The following SPOCK3 variants were observed in gnomAD, a reference collection of about 807,000 sequenced individuals.
The protein encoded by SPOCK3 is SPARC (osteonectin), cwcv and kazal like domains proteoglycan 3.
A neutral mutation model predicts 56.6 loss-of-function variants in SPOCK3; 30 were observed. The ratio of observed to expected loss-of-function variants is 0.53; its 90% confidence interval spans 0.40 to 0.72. SPOCK3 has a LOEUF of 0.72. SPOCK3 is among the 30% of genes least tolerant of loss of function. The probability of loss-of-function intolerance (pLI) is 0.00; values close to 1 mark genes in which losing one functional copy is unlikely to be tolerated. For missense variants in SPOCK3, 527 were observed against 530.0 expected (o/e 0.99, Z 0.06); for synonymous variants, 196 against 183.3 (o/e 1.07, Z -0.56).
chr4:167,155,020 A>G (rs886626976), intron 2 of SPOCK3, among the ~76,000 whole-genome samples: 7 of 152,160 alleles, frequency 4.6e-5, no homozygotes, highest in Admixed American at 3.9e-4. Flanking sequence ...TAAATCATTC[A>G]TCCAAGTAAG....
chr4:167,007,700 G>T (rs945316297), intron 3 of SPOCK3, among the ~76,000 whole-genome samples: 1 of 152,108 alleles, frequency 6.6e-6, no homozygotes, highest in Non-Finnish European at 1.5e-5. Flanking sequence ...GGCAAGAAAA[G>T]TATTGACTAG....
chr4:167,054,222 G>A (rs546816327), intron 3 of SPOCK3, among the ~76,000 whole-genome samples: 1 of 152,292 alleles, frequency 6.6e-6, no homozygotes, highest in African/African-American at 2.4e-5. Context: ...TTCACTGCTA[G>A]GAACTTTACT....
At chr4:167,058,853 T>C (rs902431049) in intron 3 of SPOCK3, among the ~76,000 whole-genome samples, 2 of 152,170 alleles carry the variant, frequency 1.3e-5, no homozygotes, top group African/African-American at 4.8e-5. Flanking sequence ...GCCATGTATC[T>C]ACAACTACCT....
At chr4:166,783,217 G>T (rs925174225) in intron 7 of SPOCK3, among the ~76,000 whole-genome samples, 2 of 152,132 alleles carry the variant, frequency 1.3e-5, no homozygotes, top group Non-Finnish European at 2.9e-5. Context: ...AATTTAGCCA[G>T]GCATGGTGGC....
At chr4:166,998,332 A>C (rs1748601323) in intron 4 of SPOCK3, among the ~76,000 whole-genome samples, 1 of 152,162 alleles carries the variant, frequency 6.6e-6, no homozygotes, top group African/African-American at 2.4e-5. Context: ...GCAAAGCTTC[A>C]GTAGTGCCCT....
At chr4:166,870,980 A>C (rs191425324) in intron 6 of SPOCK3, among the ~76,000 whole-genome samples, 3 of 152,160 alleles carry the variant, frequency 2.0e-5, no homozygotes, top group African/African-American at 7.2e-5. Context: ...CACCATGTAA[A>C]GAAGGTCCTT....
chr4:166,972,094 A>G (rs1162610502), intron 4 of SPOCK3, among the ~76,000 whole-genome samples: 1 of 152,140 alleles, frequency 6.6e-6, no homozygotes, highest in Non-Finnish European at 1.5e-5. Context: ...ATTGCAAACC[A>G]CTACTATAAA....
chr4:167,215,024 T>C (rs891292017), intron 2 of SPOCK3, among the ~76,000 whole-genome samples: 2 of 151,418 alleles, frequency 1.3e-5, no homozygotes, highest in African/African-American at 4.8e-5. Context: ...AGTTCAAACA[T>C]GATAGTAAAA....
At chr4:167,133,485 G>A (rs1267822692) in intron 2 of SPOCK3, among the ~76,000 whole-genome samples, 1 of 152,150 alleles carries the variant, frequency 6.6e-6, no homozygotes, top group East Asian at 1.9e-4. Flanking sequence ...AGAGCAATAG[G>A]AAATGAATGC....
intron 7 of SPOCK3, among the ~76,000 whole-genome samples, chr4:166,775,232 A>G (rs751737102): frequency 1.7e-4 from 26 of 152,082 alleles, no homozygotes; most frequent in Non-Finnish European, 2.9e-4. Context: ...GATGAGGAGA[A>G]AGTGGCAGGT....
intron 2 of SPOCK3, among the ~76,000 whole-genome samples, chr4:167,152,951 T>C (rs1764537721): frequency 6.6e-6 from 1 of 152,256 alleles, no homozygotes; most frequent in Non-Finnish European, 1.5e-5. Flanking sequence ...CTTATCTATT[T>C]GGATATTTTA....
At chr4:167,204,363 G>A (rs1171055336) in intron 2 of SPOCK3, among the ~76,000 whole-genome samples, 1 of 152,100 alleles carries the variant, frequency 6.6e-6, no homozygotes, top group East Asian at 1.9e-4. Context: ...AAGAAAAGAG[G>A]TTTAATTGAC....
At chr4:167,194,535 G>T (rs751725708) in intron 2 of SPOCK3, among the ~76,000 whole-genome samples, 1 of 152,196 alleles carries the variant, frequency 6.6e-6, no homozygotes, top group African/African-American at 2.4e-5. Context: ...TGGTGTCTGT[G>T]CATCTGAAGG....
At chr4:167,216,531 G>C (rs1735377579) in intron 2 of SPOCK3, among the ~76,000 whole-genome samples, 1 of 152,098 alleles carries the variant, frequency 6.6e-6, no homozygotes, top group Non-Finnish European at 1.5e-5. Context: ...AAATACTGCA[G>C]AGAAGACCCT....
intron 2 of SPOCK3, among the ~76,000 whole-genome samples, chr4:167,171,313 A>G (rs1730479015): frequency 6.6e-6 from 1 of 152,174 alleles, no homozygotes; most frequent in Non-Finnish European, 1.5e-5. Flanking sequence ...CATCCAATAA[A>G]AGGTATAAGG....
intron 4 of SPOCK3, among the ~76,000 whole-genome samples, chr4:166,923,201 T>G (rs888097699): frequency 9.2e-5 from 14 of 152,208 alleles, no homozygotes; most frequent in Non-Finnish European, 2.9e-5. Flanking sequence ...CACTTTCTCC[T>G]GTTTTTGTCT....
At chr4:167,045,736 G>A (rs974395635) in intron 3 of SPOCK3, among the ~76,000 whole-genome samples, 2 of 151,920 alleles carry the variant, frequency 1.3e-5, no homozygotes, top group African/African-American at 4.8e-5. Flanking sequence ...TAACTTTGCT[G>A]TCATTCATTT....
intron 6 of SPOCK3, among the ~76,000 whole-genome samples, chr4:166,806,918 T>C (rs1375354816): frequency 6.6e-6 from 1 of 151,984 alleles, no homozygotes; most frequent in East Asian, 1.9e-4. Context: ...TAATAAACTT[T>C]AATTTATAAA....
intron 2 of SPOCK3, among the ~76,000 whole-genome samples, chr4:167,164,582 C>T (rs1007930118): frequency 1.3e-5 from 2 of 151,484 alleles, no homozygotes; most frequent in Non-Finnish European, 1.5e-5. Flanking sequence ...CTAATGCTCT[C>T]CCCCATCTTT....
Sources: allele counts gnomAD v4.1 joint callset (sites outside exome capture counted in the v4.1 genomes callset), GRCh38; gene constraint gnomAD v4.1.1; transcripts MANE v1.5; gene names NCBI Gene and HGNC (gene_info 2026-07-23, HGNC 2026-07-21).